Variants in WDR7 observed in about 807,000 individuals in gnomAD.
WDR7 encodes WD repeat-containing protein 7.
A neutral mutation model predicts 169.4 loss-of-function variants in WDR7; 46 were observed. That is an observed-to-expected ratio of 0.27 (90% CI 0.21 to 0.35). The LOEUF (loss-of-function observed/expected upper bound fraction) is 0.35. Among genes scored for constraint, WDR7 ranks in the 10% least tolerant of loss-of-function variants. The pLI is 1.00. For synonymous variants in WDR7, 612 were observed against 666.8 expected, an observed-to-expected ratio of 0.92 and a Z score of 1.27; for missense variants, 1,534 against 1,859.3, an observed-to-expected ratio of 0.83 and a Z score of 3.22.
At chr18:56,796,902 G>A (rs1032069206) in intron 19 of WDR7, among the ~76,000 whole-genome samples, 33 of 152,106 alleles carry the variant, frequency 2.2e-4, no homozygotes, top group Admixed American at 1.1e-3. Context: ...GTTTGATTTT[G>A]CTCTATTTTG....
At chr18:56,691,666 T>C in intron 8 of WDR7, 49 bp from the exon 9 acceptor site, 1 of 1,492,276 alleles carries the variant, frequency 6.7e-7, no homozygotes, top group Non-Finnish European at 9.2e-7. Context: ...AATTATAAAG[T>C]ATTTAATGTC....
chr18:56,759,228 A>G (rs1360414049), intron 16 of WDR7, among the ~76,000 whole-genome samples: 2 of 152,296 alleles, frequency 1.3e-5, no homozygotes, highest in African/African-American at 2.4e-5. Flanking sequence ...TGACAACAGT[A>G]GTGTTTTAAT....
chr18:57,001,315 A>C (rs1396585131), intron 26 of WDR7, among the ~76,000 whole-genome samples: 1 of 152,138 alleles, frequency 6.6e-6, no homozygotes, highest in Non-Finnish European at 1.5e-5. Context: ...CCTTACCGAG[A>C]AATGGTAGCT....
intron 14 of WDR7, among the ~76,000 whole-genome samples, chr18:56,744,305 G>A (rs1347718124): frequency 6.8e-6 from 1 of 146,756 alleles, no homozygotes; most frequent in Non-Finnish European, 1.5e-5. Context: ...ATGGATATAT[G>A]TTTCTGTGGA....
intron 25 of WDR7, among the ~76,000 whole-genome samples, chr18:56,948,395 CAAAT>C (rs1305056995): frequency 2.0e-5 from 3 of 150,312 alleles, no homozygotes; most frequent in East Asian, 3.9e-4. Context: ...AAAGACTTGT[CAAAT>C]AAATTCACAG....
In WDR7 at chr18:56,696,288, A is replaced by G. The variant is rs866627851; in HGVS notation, c.1404A>G (p.Thr468=). The G allele has an allele frequency of 5.6e-6, 9 of 1,614,132 alleles. 1 individual carries two copies. Among genetic ancestry groups the G allele is most frequent in the Middle Eastern group, 3.3e-4 (2 of 6,062 alleles). Residue 468 remains threonine, a synonymous_variant, in exon 12 of 28, where the codon ACA becomes ACG. Coordinates refer to ENST00000254442, the MANE Select transcript of WDR7 (RefSeq NM_015285.3). ...TCCGTGGTCATCGGAACAAAGTCAC[A>G]TGTTTGCTATATCCTCATCAGGTCT... ...RTLRGHRNKV[T]CLLYPHQVSA...
intron 19 of WDR7, among the ~76,000 whole-genome samples, chr18:56,791,242 T>A (rs1340162852): frequency 2.0e-5 from 3 of 152,088 alleles, no homozygotes; most frequent in Non-Finnish European, 4.4e-5. Flanking sequence ...ATAAAGAACA[T>A]CCAGCTTTAG....
intron 19 of WDR7, among the ~76,000 whole-genome samples, chr18:56,794,040 T>G (rs2044538238): frequency 6.6e-6 from 1 of 152,176 alleles, no homozygotes; most frequent in Non-Finnish European, 1.5e-5. Context: ...ATTACAATTT[T>G]AGAGACTGGT....
At chr18:56,821,636 C>G (rs1033103205) in intron 20 of WDR7, among the ~76,000 whole-genome samples, 1 of 138,612 alleles carries the variant, frequency 7.2e-6, no homozygotes, top group Non-Finnish European at 1.6e-5. Flanking sequence ...ATTATTCCCC[C>G]TGCATACCCC....
chr18:56,978,446 A>C (rs2047597516), intron 26 of WDR7, among the ~76,000 whole-genome samples: 1 of 152,242 alleles, frequency 6.6e-6, no homozygotes, highest in South Asian at 2.1e-4. Flanking sequence ...TAAAGGAAAT[A>C]GTTTCGTCCA....
chr18:56,757,964 G>A (rs1056008216), intron 15 of WDR7, among the ~76,000 whole-genome samples: 2 of 143,444 alleles, frequency 1.4e-5, no homozygotes, highest in African/African-American at 2.8e-5. Context: ...GTAAGACTCT[G>A]TCTCAAAAAA....
chr18:56,895,105 A>G (rs773248097), intron 21 of WDR7, among the ~76,000 whole-genome samples: 4 of 151,986 alleles, frequency 2.6e-5, no homozygotes, highest in Middle Eastern at 3.4e-3. Context: ...GTAGCATGTT[A>G]ATGGTATTAT....
chr18:56,780,291 T>G (rs1223806976), intron 18 of WDR7, among the ~76,000 whole-genome samples: 1 of 152,226 alleles, frequency 6.6e-6, no homozygotes, highest in Non-Finnish European at 1.5e-5. Flanking sequence ...GCATTCGACC[T>G]GTATAGCCAT....
chr18:56,708,826 A>G (rs531711373), intron 12 of WDR7, among the ~76,000 whole-genome samples: 3 of 152,212 alleles, frequency 2.0e-5, no homozygotes, highest in African/African-American at 7.2e-5. Flanking sequence ...AATCCCAGCT[A>G]CTTGAGAGAC....
intron 15 of WDR7, among the ~76,000 whole-genome samples, chr18:56,757,666 A>G (rs1001705222): frequency 3.9e-5 from 6 of 152,128 alleles, no homozygotes. Context: ...TTGCCCTAAT[A>G]TTCAATTCAA....
chr18:56,918,008 A>G (rs1212690689), intron 21 of WDR7, among the ~76,000 whole-genome samples: 2 of 152,162 alleles, frequency 1.3e-5, no homozygotes, highest in East Asian at 3.8e-4. Context: ...GATGTATCCA[A>G]TGCTGGATTT....
At chr18:56,990,974 G>C (rs1371548146) in intron 26 of WDR7, among the ~76,000 whole-genome samples, 1 of 152,064 alleles carries the variant, frequency 6.6e-6, no homozygotes, top group Non-Finnish European at 1.5e-5. Context: ...ACACCAAATT[G>C]TATTGTTAGG....
chr18:56,785,349 A>G (rs1243174434), intron 19 of WDR7, among the ~76,000 whole-genome samples: 1 of 152,244 alleles, frequency 6.6e-6, no homozygotes, highest in African/African-American at 2.4e-5. Context: ...TTTCTAGCAT[A>G]AGAATCTTCT....
At chr18:56,838,974 G>C (rs183506793) in intron 20 of WDR7, among the ~76,000 whole-genome samples, 237 of 152,060 alleles carry the variant, frequency 1.6e-3, no homozygotes, top group African/African-American at 5.4e-3. Context: ...AGATTATTAA[G>C]GCTTCTTTGT....
Sources: allele counts gnomAD v4.1 joint callset (sites outside exome capture counted in the v4.1 genomes callset), GRCh38; gene constraint gnomAD v4.1.1; transcripts MANE v1.5; gene names NCBI Gene and HGNC (gene_info 2026-07-23, HGNC 2026-07-21).